Variants in FRMPD4 observed in about 807,000 individuals in gnomAD.
The protein encoded by FRMPD4 is FERM and PDZ domain containing 4.
Under a neutral mutation model 94.1 loss-of-function variants are expected in FRMPD4, and 22 were observed. That is an observed-to-expected ratio of 0.23 (90% CI 0.17 to 0.33). FRMPD4 has a LOEUF of 0.33. Ranked by LOEUF, FRMPD4 falls within the 10% of genes least tolerant of loss-of-function variation. FRMPD4 has a pLI of 1.00. For synonymous variants in FRMPD4, 631 were observed against 548.6 expected (o/e 1.15, Z -2.10); for missense variants, 1,111 against 1,339.9 (o/e 0.83, Z 2.67).
intron 1 of FRMPD4, among the ~76,000 whole-genome samples, chrX:12,139,279 A>G (rs2055653489): frequency 9.0e-6 from 1 of 111,550 alleles, no homozygotes; most frequent in African/African-American, 3.3e-5. Context: ...TCCCTAAGGA[A>G]AAGCCCCAGC....
chrX:11,997,663 A>G (rs760077468), intron 3 of FRMPD4, among the ~76,000 whole-genome samples: 1 of 110,946 alleles, frequency 9.0e-6, no homozygotes, highest in East Asian at 2.9e-4. Context: ...TACCTAGGAT[A>G]TTCTCTTCTT....
At chrX:12,528,698 A>G (rs890135378) in intron 2 of FRMPD4, among the ~76,000 whole-genome samples, 2 of 111,635 alleles carry the variant, frequency 1.8e-5, no homozygotes, top group Non-Finnish European at 3.8e-5. Context: ...GGCTCCTCAT[A>G]TTAAAAACAC....
chrX:12,092,109 A>G (rs924699871), intron 3 of FRMPD4, among the ~76,000 whole-genome samples: 1 of 111,821 alleles, frequency 8.9e-6, no homozygotes, highest in African/African-American at 3.3e-5. Context: ...ATATGAAGGA[A>G]TATAAGTGCC....
At chrX:12,330,066 T>C (rs184430893) in intron 1 of FRMPD4, among the ~76,000 whole-genome samples, 17 of 110,869 alleles carry the variant, frequency 1.5e-4, no homozygotes, top group Non-Finnish European at 2.5e-4. Flanking sequence ...GTGGGGTTTA[T>C]ATGAGGTGAT....
intron 4 of FRMPD4, among the ~76,000 whole-genome samples, chrX:12,636,853 A>G (rs893529064): frequency 2.7e-5 from 3 of 112,041 alleles, no homozygotes; most frequent in African/African-American, 9.7e-5. Context: ...TGGTAATGGG[A>G]GCCCATTCAA....
chrX:12,009,138 A>C (rs2054568863), intron 3 of FRMPD4, among the ~76,000 whole-genome samples: 2 of 112,183 alleles, frequency 1.8e-5, no homozygotes, highest in African/African-American at 6.5e-5. Context: ...ATTTCAGTAG[A>C]TCTTGTGTTC....
At position 12,374,532 on chromosome X, in the gene FRMPD4, G is replaced by A. The variant is rs12690051; in HGVS notation, c.42-124148G>A. 1.6e-3 allele frequency among the ~76,000 whole-genome samples: 175 copies of A among 111,550 alleles called. 2 individuals are homozygous for A. In the East Asian group the frequency reaches 0.045, roughly 29 times the overall value. ...CAAAACTTAAGGGGATGCCAAATAC[G>A]CTGTAATCAAGATAAATAATATTGG... On this transcript the variant is annotated intron_variant, in intron 1 of 16. Coordinates refer to ENST00000675598, the MANE Select transcript of FRMPD4 (RefSeq NM_001368397.1).
At chrX:11,847,922 A>T (rs1445676562) in intron 1 of FRMPD4, among the ~76,000 whole-genome samples, 1 of 101,022 alleles carries the variant, frequency 9.9e-6, no homozygotes, top group African/African-American at 3.7e-5. Flanking sequence ...TAGGAGATAT[A>T]CCTAATGCTA....
intron 2 of FRMPD4, among the ~76,000 whole-genome samples, chrX:11,865,688 C>T (rs1362194996): frequency 2.7e-5 from 3 of 111,935 alleles, no homozygotes; most frequent in Non-Finnish European, 3.8e-5. Flanking sequence ...TTGTTTGTCT[C>T]TCTCCAAAGT....
chrX:12,624,557 A>C (rs73196385), intron 4 of FRMPD4, among the ~76,000 whole-genome samples: 2 of 111,929 alleles, frequency 1.8e-5, no homozygotes, highest in Non-Finnish European at 3.8e-5. Context: ...GTATATCATT[A>C]CAAAATATTA....
chrX:12,172,826 G>C (rs186009501), intron 1 of FRMPD4, among the ~76,000 whole-genome samples: 3 of 112,476 alleles, frequency 2.7e-5, no homozygotes, highest in African/African-American at 9.7e-5. Context: ...TCATAGAAAA[G>C]AAACCTTTCT....
At chrX:11,943,221 C>T (rs1175261427) in intron 3 of FRMPD4, among the ~76,000 whole-genome samples, 1 of 111,266 alleles carries the variant, frequency 9.0e-6, no homozygotes, top group Non-Finnish European at 1.9e-5. Flanking sequence ...ATCATTTCAT[C>T]GATAATTTTC....
intron 2 of FRMPD4, among the ~76,000 whole-genome samples, chrX:12,501,390 T>C (rs2057917891): frequency 8.9e-6 from 1 of 111,763 alleles, no homozygotes; most frequent in Non-Finnish European, 1.9e-5. Context: ...GTGTTTGTTC[T>C]TTATCACTAA....
chrX:12,142,413 A>AG (rs747708195), intron 1 of FRMPD4, among the ~76,000 whole-genome samples: 24 of 111,511 alleles, frequency 2.2e-4, no homozygotes, highest in African/African-American at 7.8e-4. Flanking sequence ...CCCAGGGAAA[A>AG]GGGGAAGTTA....
At chrX:12,501,238 A>C (rs904042287) in intron 2 of FRMPD4, among the ~76,000 whole-genome samples, 1 of 112,682 alleles carries the variant, frequency 8.9e-6, no homozygotes, top group Admixed American at 9.3e-5. Flanking sequence ...ACCTGCACTG[A>C]TTACTAAATG....
Position 11,827,793 on chromosome X carries a change from G to A in FRMPD4, c.-161+5078G>A, listed in dbSNP as rs141818209. On this transcript the variant is annotated intron_variant, in intron 1 of 18. Coordinates refer to the FRMPD4 transcript ENST00000640291. ...AAAGAGCTACAGATGCATGGACAGC[G>A]TATCAACAATGTATCAATCAAATTT... Among the ~76,000 whole-genome samples, 125 of 111,995 alleles carry A rather than the reference G, an allele frequency of 1.1e-3. 1 individual carries two copies. Among genetic ancestry groups the A allele is most frequent in the African/African-American group, 3.2e-3 (100 of 30,923 alleles).
intron 3 of FRMPD4, among the ~76,000 whole-genome samples, chrX:12,043,415 G>T (rs185150364): frequency 9.0e-6 from 1 of 111,406 alleles, no homozygotes; most frequent in East Asian, 2.8e-4. Flanking sequence ...CGTTTAAGAA[G>T]CTTCTGAAAA....
At chrX:12,003,819 A>T (rs2054536761) in intron 3 of FRMPD4, among the ~76,000 whole-genome samples, 1 of 112,433 alleles carries the variant, frequency 8.9e-6, no homozygotes, top group South Asian at 3.7e-4. Flanking sequence ...CCAAATATAC[A>T]TCATTAATAT....
At chrX:12,069,743 G>T (rs190068859) in intron 3 of FRMPD4, among the ~76,000 whole-genome samples, 1 of 111,848 alleles carries the variant, frequency 8.9e-6, no homozygotes, top group East Asian at 2.8e-4. Flanking sequence ...TCACCCATGA[G>T]GGGGAAGAGA....
Sources: gnomAD v4.1 joint callset for allele counts (sites outside exome capture counted in the v4.1 genomes callset) on GRCh38, gnomAD v4.1.1 for gene constraint, MANE v1.5 for transcripts, NCBI Gene and HGNC (gene_info 2026-07-23, HGNC 2026-07-21) for gene names.